Variants in RYR1 observed in about 807,000 individuals in gnomAD.
RYR1 encodes ryanodine receptor 1.
In RYR1, 342 loss-of-function variants were observed where a neutral mutation model predicts 583.5. The ratio of observed to expected loss-of-function variants is 0.59; its 90% CI spans 0.54 to 0.64. The LOEUF is 0.64. Ranked by LOEUF, RYR1 falls within the 30% of genes least tolerant of loss-of-function variation. The pLI, the probability that RYR1 is intolerant of heterozygous loss-of-function variation, is 0.00. For missense variants in RYR1, 6,032 were observed against 6,917.2 expected, an observed-to-expected ratio of 0.87 and a Z score of 4.54; for synonymous variants, 2,791 against 2,822.5, an observed-to-expected ratio of 0.99 and a Z score of 0.35.
At chr19:38,438,772 CCA>C (rs1317413359) in intron 1 of RYR1, among the ~76,000 whole-genome samples, 1 of 151,778 alleles carries the variant, frequency 6.6e-6, no homozygotes, top group Non-Finnish European at 1.5e-5. Flanking sequence ...GCGCCCGCCA[CCA>C]CACCCGGCTA....
Position 38,453,031 on chromosome 19 carries a change from G to T in RYR1, c.1440+17G>T, listed in dbSNP as rs1425731922. 1 of 1,612,322 alleles carries T rather than the reference G, an allele frequency of 6.2e-7. No homozygotes were observed. Among genetic ancestry groups the T allele is most frequent in the East Asian group, 2.2e-5 (1 of 44,846 alleles). On this transcript the variant is annotated intron_variant, in intron 13 of 105. Coordinates refer to ENST00000359596, the MANE Select transcript of RYR1 (RefSeq NM_000540.3). ...CAGGAGGAGGTGAGGACGTGGCGAG[G>T]GCGGAGCGGGGCCTGTGGGCCCAGG...
rs897880262 is a variant in RYR1 at position 38,537,149 on chromosome 19, C to T, written c.11608+382C>T. On this transcript the variant is annotated intron_variant, in intron 83 of 105. Coordinates refer to ENST00000359596, the MANE Select transcript of RYR1 (RefSeq NM_000540.3). ...CCCACCTACTCTGCTCTCTGCACCC[C>T]GACCTCAGATTGGTCAGTCAGCGTT... 3.2e-5 allele frequency: 10 copies of T among 314,260 alleles called. No individual in the cohort carries two copies. The Admixed American group carries it at 3.5e-4, about 11-fold the overall frequency. The allele number at this position is 314,260 out of a possible 1,614,324, so 19.5% of individuals were successfully genotyped here.
Position 38,573,236 on chromosome 19 carries a change from C to T in RYR1, c.14058C>T (p.Gly4686=), listed in dbSNP as rs886038322. 4 of 1,613,998 alleles carry T rather than the reference C, an allele frequency of 2.5e-6. No homozygotes were observed. The highest frequency in any genetic ancestry group is 3.4e-6 in the Non-Finnish European group (4 of 1,179,948). ...KELARKLEFD[G]LYITEQPEDD... is the part of the protein sequence containing the mutation. ...TGGCCCGGAAGCTGGAGTTTGATGGCCTGTACATCACGGAGCAGCCTGAGG... is the reference window on the plus strand; with the variant it reads ...TGGCCCGGAAGCTGGAGTTTGATGGTCTGTACATCACGGAGCAGCCTGAGG... Residue 4686 remains glycine, a synonymous_variant, in exon 96 of 106, where the codon GGC becomes GGT. Coordinates refer to ENST00000359596, the MANE Select transcript of RYR1 (RefSeq NM_000540.3).
intron 101 of RYR1, among the ~76,000 whole-genome samples, chr19:38,583,951 C>T (rs560016298): frequency 6.6e-6 from 1 of 152,152 alleles, no homozygotes; most frequent in Non-Finnish European, 1.5e-5. Flanking sequence ...CTCACCCAAC[C>T]ATTTTCAGTT....
Position 38,500,104 on chromosome 19 carries a change from GAGCTCCCATATGTGGGTGGT to G in RYR1, c.7323+89_7323+108del. ...ATGCAGGCACTCGGTGACACGGAGT[GAGCTCCCATATGTGGGTGGT>G]CCTGGACTAGCAATGTTGGGGACAC... On this transcript the variant is annotated intron_variant, in intron 45 of 105. Coordinates refer to ENST00000359596, the MANE Select transcript of RYR1 (RefSeq NM_000540.3). This position sits in a 1 kb window ranked among gnomAD's most constrained non-coding sequence, Gnocchi z 5.9. 4 of 1,169,020 alleles carry G rather than the reference GAGCTCCCATATGTGGGTGGT, an allele frequency of 3.4e-6. No homozygotes were observed. The highest frequency in any genetic ancestry group is 3.8e-6 in the Non-Finnish European group (3 of 794,754). The allele number at this position is 1,169,020 out of a possible 1,614,324, so 72.4% of individuals were successfully genotyped here.
At position 38,451,902 on chromosome 19, in the gene RYR1, C is replaced by G. The variant is rs972826785; in HGVS notation, c.1244+17C>G. On this transcript the variant is annotated intron_variant, in intron 12 of 105. Coordinates refer to ENST00000359596, the MANE Select transcript of RYR1 (RefSeq NM_000540.3). ...GTTCATCAAGTGAGCAACCTGCCCT[C>G]CCTGCTGGGGTGACTCCTGTGCTGT... 2 of 1,614,048 alleles carry G rather than the reference C, an allele frequency of 1.2e-6. No individual in the cohort carries two copies. The highest frequency in any genetic ancestry group is 1.7e-6 in the Non-Finnish European group (2 of 1,179,966).
chr19:38,484,423 T>C, intron 33 of RYR1, among the ~76,000 whole-genome samples: 3 of 145,232 alleles, frequency 2.1e-5, no homozygotes, highest in African/African-American at 5.2e-5. Context: ...TTCCTTCCCC[T>C]CTCCCTCCCT....
chr19:38,476,468 A>G (rs1968734770), intron 29 of RYR1, among the ~76,000 whole-genome samples: 1 of 152,032 alleles, frequency 6.6e-6, no homozygotes, highest in Non-Finnish European at 1.5e-5. Context: ...AAGTGCTGGG[A>G]TTACAGGCAT....
intron 25 of RYR1, 115 bp from the exon 26 acceptor site, chr19:38,468,851 C>A (rs1406432582): frequency 1.8e-6 from 2 of 1,105,776 alleles, no homozygotes; most frequent in African/African-American, 1.5e-5. Context: ...TACCACCTGC[C>A]CTGAACCTGA....
intron 72 of RYR1, 58 bp from the exon 73 acceptor site, chr19:38,527,588 TC>T: frequency 6.2e-7 from 1 of 1,607,334 alleles, no homozygotes; most frequent in Admixed American, 1.7e-5. Context: ...AAAGGGGACA[TC>T]CGGCGGACAC....
intron 63 of RYR1, among the ~76,000 whole-genome samples, chr19:38,514,065 C>A (rs1970843132): frequency 6.6e-6 from 1 of 152,034 alleles, no homozygotes; most frequent in Non-Finnish European, 1.5e-5. Context: ...TCTTTAAAGT[C>A]TAGAATAGCC....
Position 38,543,750 on chromosome 19 carries a change from A to C in RYR1, c.11908-21A>C, listed in dbSNP as rs781255069. ...CTTCTCGGGGATTCCCTTCCCCCCC[A>C]CACGGCACTCTGCCTCCCAGGGTCC... is the stretch of plus-strand genomic sequence containing the variant. On this transcript the variant is annotated intron_variant, in intron 86 of 105. Transcript: ENST00000359596. This position sits in a 1 kb window ranked among gnomAD's most constrained non-coding sequence, Gnocchi z 4.4. 60 of 1,611,434 alleles carry C rather than the reference A, an allele frequency of 3.7e-5. No individual in the cohort carries two copies. In the East Asian group the frequency reaches 6.9e-4, roughly 19 times the overall value.
At chr19:38,482,675 C>T (rs1254200860) in intron 31 of RYR1, among the ~76,000 whole-genome samples, 1 of 152,086 alleles carries the variant, frequency 6.6e-6, no homozygotes, top group African/African-American at 2.4e-5. Context: ...CTCTTGAACT[C>T]TTAGGCTCAG....
chr19:38,443,772 G>A lies in RYR1; in HGVS notation c.400G>A (p.Val134Met), dbSNP rs746872391. The A allele has an allele frequency of 1.2e-6, 2 of 1,614,062 alleles. No homozygotes were observed. Among genetic ancestry groups the A allele is most frequent in the African/African-American group, 1.3e-5 (1 of 74,914 alleles). Reference sequence around the variant, plus strand: ...CATGACTGACAAGCTGGCCTTCGATGTGGGACTGCAGGAGGACGCAACAGG... The same window carrying A: ...CATGACTGACAAGCTGGCCTTCGATATGGGACTGCAGGAGGACGCAACAGG... ...RSMTDKLAFD[V>M]GLQEDATGEA... The change falls in exon 5 of 106, where the codon GTG becomes ATG. Residue 134 changes from valine (V) to methionine (M), a missense_variant. Val to Met is a conservative substitution (Grantham distance 21). Around this residue, in one of 11 missense-constraint regions of RYR1, gnomAD observed 338 missense variants for 441.6 expected, o/e 0.77. Coordinates refer to ENST00000359596, the MANE Select transcript of RYR1 (RefSeq NM_000540.3).
chr19:38,556,394 A>C (rs562429055), intron 89 of RYR1, among the ~76,000 whole-genome samples: 9 of 151,718 alleles, frequency 5.9e-5, no homozygotes, highest in Non-Finnish European at 1.0e-4. Flanking sequence ...AGGCAGGAGG[A>C]TCTCTTGAAC....
intron 102 of RYR1, among the ~76,000 whole-genome samples, chr19:38,585,412 ATATATATT>A (rs1386136630): frequency 6.8e-6 from 1 of 146,862 alleles, no homozygotes; most frequent in Non-Finnish European, 1.5e-5. Context: ...ATATGTGTTT[ATATATATT>A]TATATATGTG....
rs201686887 is a variant in RYR1, at chr19:38,500,984, G to A, written c.7608G>A (p.Leu2536=). 8.1e-5 allele frequency: 131 copies of A among 1,613,182 alleles called. No homozygotes were observed. In the South Asian group the frequency reaches 1.2e-3, roughly 14 times the overall value. ...FLPDMRAAAS[L]DTATFSTTEM... is the part of the protein sequence containing the mutation. ...CCGACATGAGGGCAGCCGCCTCGCT[G>A]GACACGGTGAGCAACCCTGCCCAGC... The change falls in exon 47 of 106, where the codon CTG becomes CTA. Residue 2536 remains leucine (L), a synonymous_variant. Coordinates refer to ENST00000359596, the MANE Select transcript of RYR1 (RefSeq NM_000540.3). This position sits in a 1 kb window ranked among gnomAD's most constrained non-coding sequence, Gnocchi z 5.9.
At position 38,433,742 on chromosome 19, in the gene RYR1, C is replaced by T. The variant is rs1972298811; in HGVS notation, c.-88C>T. 2 of 713,912 alleles carry T rather than the reference C, an allele frequency of 2.8e-6. No homozygotes were observed. Among genetic ancestry groups the T allele is most frequent in the Admixed American group, 4.0e-5 (2 of 50,630 alleles). The allele number at this position is 713,912 out of a possible 1,614,324, so 44.2% of individuals were successfully genotyped here. On this transcript the variant is annotated 5_prime_UTR_variant, in exon 1 of 106. Coordinates refer to ENST00000359596, the MANE Select transcript of RYR1 (RefSeq NM_000540.3). ...TCTGGTGTCTCCAGAGGTCTCCGAC[C>T]CCAGCCCGCCCCCAGCCCTCCCGCC...
chr19:38,528,463 A>C, intron 74 of RYR1, 45 bp downstream of exon 74: 1 of 1,606,946 alleles, frequency 6.2e-7, no homozygotes, highest in Non-Finnish European at 8.5e-7. Context: ...CTGCGGAGAA[A>C]GGGTGGCTGG....
Sources: allele counts gnomAD v4.1 joint callset (sites outside exome capture counted in the v4.1 genomes callset), GRCh38; gene constraint gnomAD v4.1.1; regional missense constraint gnomAD v4.1.1; non-coding constraint Gnocchi (gnomAD v3.1); transcripts MANE v1.5; gene names NCBI Gene and HGNC (gene_info 2026-07-23, HGNC 2026-07-21).